SIN3A: variants seen among roughly 807,000 people sequenced by gnomAD.
The protein encoded by SIN3A is SIN3 transcription regulator family member A.
A neutral mutation model predicts 146.1 loss-of-function variants in SIN3A; 14 were observed. That is an observed-to-expected ratio of 0.10 (90% confidence interval 0.06 to 0.15). The LOEUF (loss-of-function observed/expected upper bound fraction) is 0.15. Among genes scored for constraint, SIN3A ranks in the 10% least tolerant of loss-of-function variants. The probability of loss-of-function intolerance (pLI) is 1.00; values close to 1 mark genes in which losing one functional copy is unlikely to be tolerated. For missense variants in SIN3A, 1,028 were observed against 1,576.0 expected, an observed-to-expected ratio of 0.65 and a Z score of 5.89; for synonymous variants, 572 against 572.0, an observed-to-expected ratio of 1.00 and a Z score of 0.00.
chr15:75,374,201 A>G (rs2072811047), intron 20 of SIN3A, among the ~76,000 whole-genome samples: 1 of 152,114 alleles, frequency 6.6e-6, no homozygotes, highest in South Asian at 2.1e-4. Context: ...TTAAATATCT[A>G]AATAATATCT....
At chr15:75,385,409 TA>T (rs899899365) in intron 16 of SIN3A, among the ~76,000 whole-genome samples, 1 of 152,184 alleles carries the variant, frequency 6.6e-6, no homozygotes, top group African/African-American at 2.4e-5. Flanking sequence ...TACATAAAGT[TA>T]ACTCACTTTC....
At position 75,410,116 on chromosome 15, in the gene SIN3A, C is replaced by G; in HGVS notation, c.1161+18G>C. 6.2e-7 allele frequency: 1 copy of G among 1,611,422 alleles called. No individual in the cohort carries two copies. The highest frequency in any genetic ancestry group is 8.5e-7 in the Non-Finnish European group (1 of 1,178,456). On this transcript the variant is annotated intron_variant, in intron 7 of 20. Transcript: ENST00000394947. ...GATAATAATAGTAAATAGTGTAATT[C>G]TTATTAAAAAAACATACCACGGAGC...
At chr15:75,417,781 A>G (rs1373486844) in intron 3 of SIN3A, among the ~76,000 whole-genome samples, 2 of 152,176 alleles carry the variant, frequency 1.3e-5, no homozygotes, top group African/African-American at 2.4e-5. Flanking sequence ...AAATTCTTAC[A>G]TCGAAACTTA....
chr15:75,378,818 C>T (rs1176404005), intron 19 of SIN3A, among the ~76,000 whole-genome samples: 1 of 151,594 alleles, frequency 6.6e-6, no homozygotes, highest in Non-Finnish European at 1.5e-5. Flanking sequence ...AGCAATGCCA[C>T]TCTATTCACT....
chr15:75,421,095 A>G (rs1480613062), intron 3 of SIN3A: 3 of 152,196 alleles, frequency 2.0e-5, no homozygotes, highest in African/African-American at 7.2e-5. Flanking sequence ...AGAAATACAT[A>G]TGTTTTTGTT....
At chr15:75,440,608 C>T (rs1307956709) in intron 1 of SIN3A, among the ~76,000 whole-genome samples, 2 of 152,106 alleles carry the variant, frequency 1.3e-5, no homozygotes, top group Middle Eastern at 3.2e-3. Flanking sequence ...TGTGCAACAT[C>T]CTTTAAAATG....
At chr15:75,392,202 C>T in intron 15 of SIN3A, 40 bp downstream of exon 15, 1 of 1,581,382 alleles carries the variant, frequency 6.3e-7, no homozygotes, top group Non-Finnish European at 8.6e-7. Flanking sequence ...AGGTCCTCAA[C>T]CTCACACATC....
rs148486660 is a variant in SIN3A, at chr15:75,372,130, C to A, written c.3671G>T (p.Arg1224Leu). 6.2e-7 allele frequency: 1 copy of A among 1,614,026 alleles called. No individual in the cohort carries two copies. The change falls in exon 21 of 21, where the codon CGT becomes CTT. Residue 1224 changes from arginine to leucine, a missense_variant. Arg to Leu is a moderately radical substitution (Grantham distance 102). This residue lies in a region of SIN3A where 488 missense variants were observed against 690.2 expected (regional missense o/e 0.71). Coordinates refer to ENST00000394947, the MANE Select transcript of SIN3A (RefSeq NM_001145358.2). ...VDKWTKEHVP[R>L]EMAAETSKWL... ...CTTGCTGGTCTCTGCTGCCATTTCA[C>A]GGGGCACATGCTCCTTGGTCCATTT...
intron 1 of SIN3A, chr15:75,443,478 G>A (rs1264210068): frequency 6.6e-6 from 1 of 152,206 alleles, no homozygotes; most frequent in African/African-American, 2.4e-5. Flanking sequence ...CACTTTGGGA[G>A]GCTAAGGTGG....
chr15:75,409,128 C>T (rs1260001043), intron 8 of SIN3A, among the ~76,000 whole-genome samples: 3 of 152,000 alleles, frequency 2.0e-5, no homozygotes, highest in East Asian at 3.9e-4. Context: ...TGCTTGAACC[C>T]GGGAGGCAGA....
At chr15:75,424,374 C>T (rs929378208) in intron 2 of SIN3A, among the ~76,000 whole-genome samples, 3 of 152,094 alleles carry the variant, frequency 2.0e-5, no homozygotes, top group Admixed American at 6.5e-5. Context: ...GTGGAAGTTG[C>T]GGGGAGCTGA....
In SIN3A at chr15:75,380,640, T is replaced by C. The variant is rs763241461; in HGVS notation, c.3372A>G (p.Val1124=). ...ELREHLAQKP[V]FLPRNLRRIR... ...CATGGCTCACTCACCTGGGGAGAAA[T>C]ACTGGTTTCTGTGCTAGATGTTCAC... Residue 1124 remains valine, a synonymous_variant, in exon 19 of 21, where the codon GTA becomes GTG. Coordinates refer to ENST00000394947, the MANE Select transcript of SIN3A (RefSeq NM_001145358.2). The C allele has an allele frequency of 2.8e-5, 45 of 1,612,622 alleles. No homozygotes were observed. The highest frequency in any genetic ancestry group is 3.6e-5 in the Non-Finnish European group (42 of 1,178,786).
At chr15:75,454,242 C>A (rs1371154455), upstream of SIN3A, among the ~76,000 whole-genome samples, 1 of 152,026 alleles carries the variant, frequency 6.6e-6, no homozygotes, top group Non-Finnish European at 1.5e-5. Context: ...CAATCCACAT[C>A]CAAGAAGGAG....
At chr15:75,411,444 C>A in intron 6 of SIN3A, 48 bp downstream of exon 6, 2 of 1,561,484 alleles carry the variant, frequency 1.3e-6, no homozygotes, top group South Asian at 2.4e-5. Context: ...GGACTAGATG[C>A]CCTAAGAGGG....
chr15:75,445,570 C>T (rs1733889346), intron 1 of SIN3A, among the ~76,000 whole-genome samples: 2 of 147,838 alleles, frequency 1.4e-5, no homozygotes, highest in South Asian at 2.1e-4. Flanking sequence ...AACTCCGTCT[C>T]AAAATAAATA....
At chr15:75,392,949 G>T in intron 14 of SIN3A, 134 bp from the exon 15 acceptor site, 1 of 690,066 alleles carries the variant, frequency 1.4e-6, no homozygotes, top group Non-Finnish European at 2.4e-6. Context: ...TAGGACCTGG[G>T]ACTGGGAGCG....
chr15:75,418,522 G>A (rs2073783284), intron 3 of SIN3A, among the ~76,000 whole-genome samples: 1 of 152,002 alleles, frequency 6.6e-6, no homozygotes, highest in East Asian at 1.9e-4. Context: ...GTTTTACCAT[G>A]TTGGCCAGGC....
intron 20 of SIN3A, among the ~76,000 whole-genome samples, chr15:75,373,079 G>A (rs570140356): frequency 6.6e-6 from 1 of 152,256 alleles, no homozygotes; most frequent in Non-Finnish European, 1.5e-5. Context: ...TCTGCAGGGG[G>A]TTCTGTTCCC....
intron 6 of SIN3A, among the ~76,000 whole-genome samples, chr15:75,411,241 T>C (rs1370280153): frequency 6.6e-6 from 1 of 152,124 alleles, no homozygotes; most frequent in Non-Finnish European, 1.5e-5. Flanking sequence ...GGCAGGAGTA[T>C]CACTTGAGCC....
Sources: allele counts gnomAD v4.1 joint callset (sites outside exome capture counted in the v4.1 genomes callset), GRCh38; gene constraint gnomAD v4.1.1; regional missense constraint gnomAD v4.1.1; transcripts MANE v1.5; gene names NCBI Gene and HGNC (gene_info 2026-07-23, HGNC 2026-07-21).